The following DIP2B variants were observed in gnomAD, a reference collection of about 807,000 sequenced individuals.
DIP2B encodes the protein DIP2 acetate--CoA ligase B (putative).
A neutral mutation model predicts 198.0 loss-of-function variants in DIP2B; 76 were observed. The observed-to-expected ratio is 0.38, with a 90% CI of 0.32 to 0.46. DIP2B has a LOEUF of 0.46. DIP2B is among the 20% of genes least tolerant of loss of function. The pLI is 0.99. For synonymous variants in DIP2B, 701 were observed against 739.1 expected (o/e 0.95, Z 0.84); for missense variants, 1,559 against 1,978.4 (o/e 0.79, Z 4.02).
intron 5 of DIP2B, among the ~76,000 whole-genome samples, chr12:50,673,110 C>A (rs1474040538): frequency 2.0e-5 from 3 of 151,992 alleles, no homozygotes; most frequent in African/African-American, 7.2e-5. Flanking sequence ...ATTGCTGGAC[C>A]AAATAAAAAT....
At chr12:50,523,351 A>G (rs1317212472) in intron 1 of DIP2B, among the ~76,000 whole-genome samples, 1 of 152,220 alleles carries the variant, frequency 6.6e-6, no homozygotes, top group Non-Finnish European at 1.5e-5. Flanking sequence ...ACAGGAAAAA[A>G]AAAATCTGTA....
At chr12:50,506,873 A>G (rs1957973092) in intron 1 of DIP2B, among the ~76,000 whole-genome samples, 1 of 152,236 alleles carries the variant, frequency 6.6e-6, no homozygotes, top group Non-Finnish European at 1.5e-5. Flanking sequence ...AGCTTTGATT[A>G]GAGAGAGGTT....
At chr12:50,615,274 T>C (rs1212447059) in intron 1 of DIP2B, among the ~76,000 whole-genome samples, 1 of 152,230 alleles carries the variant, frequency 6.6e-6, no homozygotes, top group Non-Finnish European at 1.5e-5. Flanking sequence ...TTCTTTTTTT[T>C]TCTAGAAGTT....
At chr12:50,666,802 A>G (rs1323736094) in intron 4 of DIP2B, among the ~76,000 whole-genome samples, 1 of 151,916 alleles carries the variant, frequency 6.6e-6, no homozygotes, top group African/African-American at 2.4e-5. Flanking sequence ...TGGGTGGATC[A>G]CGAGGTCAGG....
chr12:50,519,711 TC>T (rs1278161155), intron 1 of DIP2B, among the ~76,000 whole-genome samples: 1 of 152,080 alleles, frequency 6.6e-6, no homozygotes, highest in Admixed American at 6.6e-5. Context: ...TAGTCTTTTT[TC>T]CCCCAGGATA....
intron 10 of DIP2B, 80 bp downstream of exon 10, chr12:50,683,328 C>T (rs1055167728): frequency 8.5e-7 from 1 of 1,177,030 alleles, no homozygotes; most frequent in Non-Finnish European, 1.2e-6. Context: ...GTAGTCACAA[C>T]AGTAAAAACT....
At position 50,542,614 on chromosome 12, in the gene DIP2B, GACA is replaced by G. The variant is rs763189856; in HGVS notation, c.100+37381_100+37383del. Among the ~76,000 whole-genome samples, 5 of 152,260 alleles carry G rather than the reference GACA, an allele frequency of 3.3e-5. No individual in the cohort carries two copies. The South Asian group carries it at 8.3e-4, about 25-fold the overall frequency. On this transcript the variant is annotated intron_variant, in intron 1 of 37. Coordinates refer to ENST00000301180, the MANE Select transcript of DIP2B (RefSeq NM_173602.3). ...AGCTGCAACCACACCTAGAAACCTT[GACA>G]ACAACAGGGCCTGTGTTTGATATAT...
At chr12:50,743,501 T>C (rs923325594) in intron 37 of DIP2B, 2 of 152,180 alleles carry the variant, frequency 1.3e-5, no homozygotes, top group Admixed American at 6.5e-5. Context: ...GACACTTGCG[T>C]GGGGCACTAA....
chr12:50,505,164 G>T lies in DIP2B; in HGVS notation c.24G>T (p.Pro8=), dbSNP rs1016290231. 3.5e-5 allele frequency: 54 copies of T among 1,526,798 alleles called. No homozygotes were observed. Among genetic ancestry groups the T allele is most frequent in the Non-Finnish European group, 4.5e-5 (51 of 1,142,476 alleles). The allele number at this position is 1,526,798 out of a possible 1,614,324, so 94.6% of individuals were successfully genotyped here. MAERGLE[P]SPAAVAALPP... ...GGATGGCGGAACGAGGCCTGGAGCC[G>T]TCGCCGGCCGCGGTGGCGGCGCTGC... Residue 8 remains proline (P), a synonymous_variant, in exon 1 of 38, where the codon CCG becomes CCT. Transcript: ENST00000301180.
In DIP2B at chr12:50,586,468, C is replaced by T. The variant is rs191420245; in HGVS notation, c.101-39508C>T. 2.5e-3 allele frequency among the ~76,000 whole-genome samples: 380 copies of T among 152,168 alleles called. 5 individuals carry two copies. Among genetic ancestry groups the T allele is most frequent in the Non-Finnish European group, 8.8e-4 (60 of 68,028 alleles). On this transcript the variant is annotated intron_variant, in intron 1 of 37. Transcript: ENST00000301180. ...TATACTCCCAGTTCCTAGTTCAGCA[C>T]TTTTACTCTGATACTTTAAAAAAAA...
At chr12:50,589,141 G>A (rs1958796829) in intron 1 of DIP2B, among the ~76,000 whole-genome samples, 2 of 151,518 alleles carry the variant, frequency 1.3e-5, no homozygotes, top group Admixed American at 6.6e-5. Context: ...CCAAGATCGC[G>A]CCACTGCACT....
At chr12:50,657,338 C>T (rs1938572379) in intron 3 of DIP2B, among the ~76,000 whole-genome samples, 1 of 151,488 alleles carries the variant, frequency 6.6e-6, no homozygotes, top group Non-Finnish European at 1.5e-5. Context: ...CAAAAGTATC[C>T]TCCCATGAAT....
At chr12:50,510,937 G>A (rs997515506) in intron 1 of DIP2B, among the ~76,000 whole-genome samples, 75 of 136,996 alleles carry the variant, frequency 5.5e-4, no homozygotes, top group Admixed American at 1.4e-3. Context: ...GAGCCACTGC[G>A]CCTGGCTTTC....
chr12:50,646,078 A>G (rs1938344725), intron 3 of DIP2B, among the ~76,000 whole-genome samples: 1 of 151,922 alleles, frequency 6.6e-6, no homozygotes, highest in African/African-American at 2.4e-5. Flanking sequence ...AATTTTAAAG[A>G]TAGGTTTTAA....
intron 4 of DIP2B, 99 bp downstream of exon 4, chr12:50,660,418 T>C (rs971479537): frequency 4.5e-4 from 584 of 1,290,764 alleles, no homozygotes; most frequent in East Asian, 1.6e-3. Flanking sequence ...CAGAATCTTC[T>C]CCCCGCCATT....
rs1565865660 is a variant in DIP2B at position 50,671,226 on chromosome 12, C to G, written c.468C>G (p.Arg156=). The change falls in exon 5 of 38, where the codon CGC becomes CGG. Residue 156 remains arginine, a synonymous_variant. Coordinates refer to ENST00000301180, the MANE Select transcript of DIP2B (RefSeq NM_173602.3). ...SASEDEGSLR[R]QAALSAALQQ... is the part of the protein sequence containing the mutation. The stretch of plus-strand genomic sequence containing the variant: ...CTGAGGATGAGGGCTCTCTGAGACG[C>G]CAAGCTGCGCTCTCTGCTGCCTTGC... 6.2e-7 allele frequency: 1 copy of G among 1,614,166 alleles called. No homozygotes were observed. The highest frequency in any genetic ancestry group is 8.5e-7 in the Non-Finnish European group (1 of 1,180,022).
At chr12:50,588,128 C>A (rs1441886077) in intron 1 of DIP2B, among the ~76,000 whole-genome samples, 1 of 141,470 alleles carries the variant, frequency 7.1e-6, no homozygotes, top group Non-Finnish European at 1.6e-5. Flanking sequence ...TTTGTTGGTA[C>A]TTCTTTTCTT....
intron 1 of DIP2B, among the ~76,000 whole-genome samples, chr12:50,561,033 G>A (rs1227724616): frequency 6.6e-6 from 1 of 152,102 alleles, no homozygotes; most frequent in Non-Finnish European, 1.5e-5. Context: ...ACCTATATAA[G>A]AGTGCATTCC....
Position 50,739,659 on chromosome 12 carries a change from G to A in DIP2B, c.4354+73G>A, listed in dbSNP as rs957427685. The A allele has an allele frequency of 2.9e-5, 45 of 1,562,672 alleles. No individual in the cohort carries two copies. The East Asian group carries it at 3.6e-4, about 13-fold the overall frequency. ...CACTAGCTGACCTCCTTCAGCCTGC[G>A]TTGGATTGTGGAGTGTGTCTATTTA... is the stretch of plus-strand genomic sequence containing the variant. On this transcript the variant is annotated intron_variant, in intron 36 of 37. Coordinates refer to ENST00000301180, the MANE Select transcript of DIP2B (RefSeq NM_173602.3).
Sources: allele counts gnomAD v4.1 joint callset (sites outside exome capture counted in the v4.1 genomes callset), GRCh38; gene constraint gnomAD v4.1.1; transcripts MANE v1.5; gene names NCBI Gene and HGNC (gene_info 2026-07-23, HGNC 2026-07-21).